The following MBNL3 variants were observed in gnomAD, a reference collection of about 807,000 sequenced individuals.
The protein encoded by MBNL3 is muscleblind-like protein 3.
In MBNL3, 6 loss-of-function variants were observed where a neutral mutation model predicts 24.5. The observed-to-expected ratio is 0.25, with a 90% CI of 0.13 to 0.48. The LOEUF is 0.48. Ranked by LOEUF, MBNL3 falls within the 20% of genes least tolerant of loss-of-function variation. The pLI, the probability that MBNL3 is intolerant of heterozygous loss-of-function variation, is 0.99. For missense variants in MBNL3, 230 were observed against 293.5 expected, an observed-to-expected ratio of 0.78 and a Z score of 1.58; for synonymous variants, 100 against 101.7, an observed-to-expected ratio of 0.98 and a Z score of 0.10.
Position 132,427,812 on chromosome X carries a change from G to GTTAGCTA in MBNL3, c.177+11616_177+11622dup, listed in dbSNP as rs756514824. Reference sequence around the variant, plus strand: ...GAAATTAGAACATTACTACCGTTCCGTTAGCTAACAAATCATGGCTGATAC... The same window carrying GTTAGCTA: ...GAAATTAGAACATTACTACCGTTCCGTTAGCTATTAGCTAACAAATCATGGCTGATAC... On this transcript the variant is annotated intron_variant, in intron 2 of 8. Coordinates refer to ENST00000370853, the MANE Select transcript of MBNL3 (RefSeq NM_001386889.1). 5.7e-4 allele frequency among the ~76,000 whole-genome samples: 64 copies of GTTAGCTA among 111,722 alleles called. 1 individual carries two copies. Among genetic ancestry groups the GTTAGCTA allele is most frequent in the Non-Finnish European group, 1.1e-3 (60 of 53,004 alleles).
intron 1 of MBNL3, among the ~76,000 whole-genome samples, chrX:132,483,443 G>T (rs1947845046): frequency 8.9e-6 from 1 of 111,913 alleles, no homozygotes; most frequent in African/African-American, 3.3e-5. Flanking sequence ...TTCCCCATTG[G>T]TAAATTAAGT....
chrX:132,409,172 G>T (rs1942341189), intron 2 of MBNL3, among the ~76,000 whole-genome samples: 1 of 112,181 alleles, frequency 8.9e-6, no homozygotes, highest in African/African-American at 3.2e-5. Flanking sequence ...CCTCTACATA[G>T]CGTTCATTCT....
At chrX:132,454,374 A>C (rs751632945) in intron 1 of MBNL3, among the ~76,000 whole-genome samples, 1 of 112,078 alleles carries the variant, frequency 8.9e-6, no homozygotes, top group African/African-American at 3.2e-5. Flanking sequence ...CAGAGAGGTA[A>C]ACTAAGGTAG....
intron 3 of MBNL3, among the ~76,000 whole-genome samples, chrX:132,395,707 A>G (rs1459014497): frequency 8.9e-6 from 1 of 111,850 alleles, no homozygotes; most frequent in East Asian, 2.8e-4. Context: ...AATGTGTCCT[A>G]AAAATTAACG....
chrX:132,396,534 A>C (rs28445239), intron 3 of MBNL3, among the ~76,000 whole-genome samples: 6,543 of 43,574 alleles, frequency 0.15, 885 homozygotes, highest in African/African-American at 0.36. Flanking sequence ...ATATATATTC[A>C]TATATATATT....
At chrX:132,462,714 GT>G (rs1946689421) in intron 1 of MBNL3, among the ~76,000 whole-genome samples, 1 of 111,079 alleles carries the variant, frequency 9.0e-6, no homozygotes, top group South Asian at 3.8e-4. Flanking sequence ...GTGTGTGTGT[GT>G]TGTTATTTTT....
chrX:132,433,621 A>T (rs1206228672), intron 2 of MBNL3, among the ~76,000 whole-genome samples: 2 of 112,342 alleles, frequency 1.8e-5, no homozygotes, highest in Non-Finnish European at 3.8e-5. Flanking sequence ...CACTTAAAAA[A>T]TATAAAGACT....
At chrX:132,470,780 G>A (rs375973303) in intron 1 of MBNL3, among the ~76,000 whole-genome samples, 2 of 111,477 alleles carry the variant, frequency 1.8e-5, no homozygotes, top group African/African-American at 6.5e-5. Context: ...GCGTCTGGTG[G>A]TTCCAGATGT....
At chrX:132,402,198 C>T (rs1941047401) in intron 3 of MBNL3, among the ~76,000 whole-genome samples, 1 of 112,003 alleles carries the variant, frequency 8.9e-6, no homozygotes, top group African/African-American at 3.2e-5. Context: ...TCTACTGAGT[C>T]AAGTTCACCT....
At chrX:132,386,586 T>C in intron 6 of MBNL3, 75 bp downstream of exon 6, 2 of 1,128,245 alleles carry the variant, frequency 1.8e-6, no homozygotes, top group Non-Finnish European at 2.4e-6. Context: ...ATACAAGCTC[T>C]TTGAAAGCTG....
intron 3 of MBNL3, among the ~76,000 whole-genome samples, chrX:132,402,953 G>A (rs1236356772): frequency 5.4e-5 from 6 of 111,883 alleles, no homozygotes; most frequent in African/African-American, 1.9e-4. Flanking sequence ...AAGACATGAA[G>A]TTCAAGCCAG....
At chrX:132,385,244 A>G (rs961108928) in intron 6 of MBNL3, among the ~76,000 whole-genome samples, 3 of 111,299 alleles carry the variant, frequency 2.7e-5, no homozygotes, top group Non-Finnish European at 3.8e-5. Context: ...ATTTTTGCTT[A>G]TGAAACTAGA....
In MBNL3 at chrX:132,370,473, T is replaced by C. The variant is rs957896315; in HGVS notation, c.*9193A>G. The C allele has an allele frequency of 8.9e-5, 10 of 112,054 alleles. No individual in the cohort carries two copies. The highest frequency in any genetic ancestry group is 3.2e-4 in the African/African-American group (10 of 30,827). 9.2% of individuals were successfully genotyped at this position (112,054 alleles called of 1,213,427 possible). A position where few individuals can be genotyped will look rare whatever the true frequency, so the allele number is the denominator to read the frequency against. On this transcript the variant is annotated 3_prime_UTR_variant, in exon 9 of 9. Transcript: ENST00000370853. ...GAATGACTGCATTGCTTATAGGAAT[T>C]CCATCTCTGCACCTAAACACTGAGA...
chrX:132,390,913 A>T lies in MBNL3; in HGVS notation c.705T>A (p.Pro235=). 1 of 1,211,596 alleles carries T rather than the reference A, an allele frequency of 8.3e-7. No homozygotes were observed. Among genetic ancestry groups the T allele is most frequent in the Non-Finnish European group, 1.1e-6 (1 of 895,413 alleles). The change falls in exon 5 of 9, where the codon CCT becomes CCA. Residue 235 remains proline, a synonymous_variant. Coordinates refer to ENST00000370853, the MANE Select transcript of MBNL3 (RefSeq NM_001386889.1). ...CCTTGAGTCTGGCTTGCAAGTGTGCAGGAGGATGAAAGTACTTGCATTTCT... is the reference window on the plus strand; with the variant it reads ...CCTTGAGTCTGGCTTGCAAGTGTGCTGGAGGATGAAAGTACTTGCATTTCT... ...SREKCKYFHP[P]AHLQARLKAA...
intron 2 of MBNL3, among the ~76,000 whole-genome samples, chrX:132,408,980 A>G (rs1942305267): frequency 8.9e-6 from 1 of 112,519 alleles, no homozygotes. Flanking sequence ...GAAAGCTTAT[A>G]AAATAAAATA....
At chrX:132,411,537 C>G (rs1455132786) in intron 2 of MBNL3, 1 of 448,064 alleles carries the variant, frequency 2.2e-6, no homozygotes, top group Non-Finnish European at 2.8e-6. Context: ...GTGACTTGTC[C>G]TAATTCATAA....
At chrX:132,408,395 G>A (rs1332637816) in intron 2 of MBNL3, among the ~76,000 whole-genome samples, 3 of 108,783 alleles carry the variant, frequency 2.8e-5, no homozygotes, top group Non-Finnish European at 5.7e-5. Flanking sequence ...ATACACAAGC[G>A]TGGAACACAA....
At chrX:132,424,520 G>A (rs1419868668) in intron 2 of MBNL3, among the ~76,000 whole-genome samples, 1 of 111,727 alleles carries the variant, frequency 9.0e-6, no homozygotes, top group Non-Finnish European at 1.9e-5. Flanking sequence ...TTGCTTCAAC[G>A]AAAGCAGAGG....
intron 4 of MBNL3, 22 bp downstream of exon 4, chrX:132,392,121 T>A (rs1937275372): frequency 8.8e-7 from 1 of 1,139,889 alleles, no homozygotes; most frequent in Non-Finnish European, 1.2e-6. Flanking sequence ...CTACAGGTAT[T>A]TATATATATG....
Sources: allele counts gnomAD v4.1 joint callset (sites outside exome capture counted in the v4.1 genomes callset), GRCh38; gene constraint gnomAD v4.1.1; transcripts MANE v1.5; gene names NCBI Gene and HGNC (gene_info 2026-07-23, HGNC 2026-07-21).